CATSPER3: variants seen among roughly 807,000 people sequenced by gnomAD.
CATSPER3 encodes cation channel sperm associated 3, also known as cation channel sperm-associated protein 3.
CATSPER3 carries 23 observed loss-of-function variants against 36.6 expected under a neutral mutation model. The ratio of observed to expected loss-of-function variants is 0.63; its 90% CI spans 0.45 to 0.89. CATSPER3 has a LOEUF of 0.89. Among genes scored for constraint, CATSPER3 ranks in the 40% least tolerant of loss-of-function variants. The probability of loss-of-function intolerance (pLI) is 0.00; values close to 1 mark genes in which losing one functional copy is unlikely to be tolerated. For synonymous variants in CATSPER3, 172 were observed against 184.1 expected (o/e 0.93, Z 0.53); for missense variants, 474 against 503.9 (o/e 0.94, Z 0.57).
intron 2 of CATSPER3, among the ~76,000 whole-genome samples, chr5:134,994,328 T>C (rs1266998549): frequency 6.6e-6 from 1 of 152,166 alleles, no homozygotes; most frequent in African/African-American, 2.4e-5. Context: ...CATATAAAAA[T>C]GCCCAACTTT....
chr5:134,983,291 G>A (rs1398854552), intron 2 of CATSPER3, among the ~76,000 whole-genome samples: 1 of 152,142 alleles, frequency 6.6e-6, no homozygotes, highest in Non-Finnish European at 1.5e-5. Flanking sequence ...TTCATATGTT[G>A]TCTACAGGAG....
chr5:134,998,435 A>G (rs1751979805), intron 3 of CATSPER3, among the ~76,000 whole-genome samples: 2 of 152,342 alleles, frequency 1.3e-5, no homozygotes, highest in Middle Eastern at 3.4e-3. Flanking sequence ...GTATATACCC[A>G]GTAATGGGAT....
chr5:134,994,889 C>T (rs569602123), intron 2 of CATSPER3, among the ~76,000 whole-genome samples: 5 of 152,164 alleles, frequency 3.3e-5, no homozygotes, highest in Admixed American at 6.5e-5. Context: ...CTGGCTTCAG[C>T]GAGACCTCTG....
intron 6 of CATSPER3, 58 bp from the exon 7 acceptor site, chr5:135,010,315 T>C: frequency 6.8e-7 from 1 of 1,472,880 alleles, no homozygotes; most frequent in Non-Finnish European, 9.5e-7. Flanking sequence ...TCCATGTCTC[T>C]GTGCAGCTCG....
At position 134,968,031 on chromosome 5, in the gene CATSPER3, T is replaced by TA; in HGVS notation, c.40_41insA (p.Ser14TyrfsTer2). 1 of 1,614,168 alleles carries TA rather than the reference T, an allele frequency of 6.2e-7. No homozygotes were observed. Among genetic ancestry groups the TA allele is most frequent in the Non-Finnish European group, 8.5e-7 (1 of 1,180,000 alleles). On this transcript the variant is annotated frameshift_variant, in exon 1 of 8. Transcript: ENST00000282611. LOFTEE classifies it high-confidence loss of function. The stretch of plus-strand genomic sequence containing the variant: ...TCACCAGCGCCACTCGAGAGTCATT[T>TA]CTAGTTCACCAGTTGACACTACATC...
intron 2 of CATSPER3, among the ~76,000 whole-genome samples, chr5:134,988,024 T>C (rs1580907682): frequency 6.6e-6 from 1 of 152,322 alleles, no homozygotes; most frequent in Non-Finnish European, 1.5e-5. Flanking sequence ...GCCTCAGATA[T>C]TGTGGATTAA....
At position 134,970,092 on chromosome 5, in the gene CATSPER3, G is replaced by A. The variant is rs138539609; in HGVS notation, c.252G>A (p.Glu84=). ...GGTACCGCTTGTTCAGACTTCTTGA[G>A]GTAAGCAGACAAAATGGGTCCATTT... is the stretch of plus-strand genomic sequence containing the variant. ...DIRYRLFRLL[E]FSEIFFVSIC... The change falls in exon 2 of 8, where the codon GAG becomes GAA. Residue 84 remains glutamate, a splice_region_variant and synonymous_variant. Coordinates refer to ENST00000282611, the MANE Select transcript of CATSPER3 (RefSeq NM_178019.3). 7.1e-5 allele frequency: 115 copies of A among 1,613,802 alleles called. No homozygotes were observed. Among genetic ancestry groups the A allele is most frequent in the Non-Finnish European group, 9.4e-5 (111 of 1,179,928 alleles).
intron 2 of CATSPER3, among the ~76,000 whole-genome samples, chr5:134,989,487 T>C (rs1258329548): frequency 6.6e-6 from 1 of 152,252 alleles, no homozygotes; most frequent in Non-Finnish European, 1.5e-5. Context: ...GGATAAGGCG[T>C]TGCAGCTTCT....
chr5:135,005,294 T>G (rs537347792), intron 3 of CATSPER3, among the ~76,000 whole-genome samples: 1 of 152,122 alleles, frequency 6.6e-6, no homozygotes, highest in African/African-American at 2.4e-5. Flanking sequence ...CTTGCAGGCA[T>G]GCACAGAGAC....
Position 134,996,422 on chromosome 5 carries a change from C to T in CATSPER3, c.402C>T (p.Leu134=), listed in dbSNP as rs141694691. Residue 134 remains leucine (L), a synonymous_variant, in exon 3 of 8, where the codon CTC becomes CTT. Transcript: ENST00000282611. ...VMFLPYALRQ[L]MGKQFTYLYI... Reference sequence around the variant, plus strand: ...TTTTACCCTATGCCCTCCGCCAGCTCATGGGCAAACAGTTCACTTACCTGT... The same window carrying T: ...TTTTACCCTATGCCCTCCGCCAGCTTATGGGCAAACAGTTCACTTACCTGT... 6.2e-7 allele frequency: 1 copy of T among 1,614,104 alleles called. No homozygotes were observed. The highest frequency in any genetic ancestry group is 8.5e-7 in the Non-Finnish European group (1 of 1,179,904).
chr5:134,981,148 C>T (rs1264108870), intron 2 of CATSPER3, among the ~76,000 whole-genome samples: 1 of 151,574 alleles, frequency 6.6e-6, no homozygotes, highest in Non-Finnish European at 1.5e-5. Context: ...CCCAAACCCT[C>T]TCTCTCTCTC....
chr5:134,981,091 C>G (rs1751745063), intron 2 of CATSPER3, among the ~76,000 whole-genome samples: 1 of 151,148 alleles, frequency 6.6e-6, no homozygotes, highest in African/African-American at 2.4e-5. Flanking sequence ...TCTTTCCTCC[C>G]TTCCTTCTTT....
At chr5:134,993,721 T>G (rs1361443558) in intron 2 of CATSPER3, among the ~76,000 whole-genome samples, 1 of 152,216 alleles carries the variant, frequency 6.6e-6, no homozygotes, top group African/African-American at 2.4e-5. Context: ...GAAATAAACA[T>G]TATATATCCT....
At chr5:134,986,555 G>A (rs982567180) in intron 2 of CATSPER3, among the ~76,000 whole-genome samples, 2 of 147,544 alleles carry the variant, frequency 1.4e-5, no homozygotes, top group Non-Finnish European at 3.0e-5. Context: ...TCTGCCTCCC[G>A]GGTTCAAGCA....
At chr5:134,984,060 G>T (rs1751779774) in intron 2 of CATSPER3, among the ~76,000 whole-genome samples, 1 of 152,206 alleles carries the variant, frequency 6.6e-6, no homozygotes, top group East Asian at 1.9e-4. Flanking sequence ...TCAATAAATG[G>T]TGTGGGGAGA....
chr5:134,997,942 C>A (rs1307589206), intron 3 of CATSPER3, among the ~76,000 whole-genome samples: 1 of 152,142 alleles, frequency 6.6e-6, no homozygotes, highest in Non-Finnish European at 1.5e-5. Flanking sequence ...AAAAATTATT[C>A]TTTAAGTTCT....
intron 3 of CATSPER3, among the ~76,000 whole-genome samples, chr5:134,999,644 T>G (rs1479327295): frequency 6.6e-6 from 1 of 152,176 alleles, no homozygotes; most frequent in East Asian, 1.9e-4. Flanking sequence ...AAGTTGGATT[T>G]CTAGGTATTT....
intron 2 of CATSPER3, among the ~76,000 whole-genome samples, chr5:134,977,357 G>T (rs536202386): frequency 3.9e-5 from 6 of 152,062 alleles, no homozygotes; most frequent in Non-Finnish European, 7.4e-5. Flanking sequence ...AATTTCTTCC[G>T]CTAGATTCCC....
intron 6 of CATSPER3, 101 bp from the exon 7 acceptor site, chr5:135,010,272 C>T: frequency 9.7e-7 from 1 of 1,032,494 alleles, no homozygotes. Context: ...GGACCAGGGT[C>T]AGGCCGCTGC....
Sources: allele counts gnomAD v4.1 joint callset (sites outside exome capture counted in the v4.1 genomes callset), GRCh38; gene constraint gnomAD v4.1.1; transcripts MANE v1.5; gene names NCBI Gene and HGNC (gene_info 2026-07-23, HGNC 2026-07-21).